PRKCA: variants seen among roughly 807,000 people sequenced by gnomAD.
PRKCA encodes the protein protein kinase C alpha.
PRKCA carries 27 observed loss-of-function variants against 87.0 expected under a neutral mutation model. The observed-to-expected ratio is 0.31, with a 90% CI of 0.23 to 0.43. The LOEUF (loss-of-function observed/expected upper bound fraction) is 0.43. Ranked by LOEUF, PRKCA falls within the 20% of genes least tolerant of loss-of-function variation. The probability of loss-of-function intolerance (pLI) is 1.00; values close to 1 mark genes in which losing one functional copy is unlikely to be tolerated. For missense variants in PRKCA, 518 were observed against 852.3 expected, an observed-to-expected ratio of 0.61 and a Z score of 4.88; for synonymous variants, 329 against 311.1, an observed-to-expected ratio of 1.06 and a Z score of -0.61.
At chr17:66,354,280 A>G (rs370093277) in intron 2 of PRKCA, among the ~76,000 whole-genome samples, 1 of 152,186 alleles carries the variant, frequency 6.6e-6, no homozygotes, top group Non-Finnish European at 1.5e-5. Flanking sequence ...GTTATGAGTC[A>G]TGTACATTTA....
intron 2 of PRKCA, among the ~76,000 whole-genome samples, chr17:66,482,089 A>G (rs1341999169): frequency 7.4e-6 from 1 of 135,806 alleles, no homozygotes. Context: ...CGACAGAGCA[A>G]GACTGTCTCA....
chr17:66,417,967 T>G (rs1912254676), intron 2 of PRKCA, among the ~76,000 whole-genome samples: 1 of 152,198 alleles, frequency 6.6e-6, no homozygotes, highest in Non-Finnish European at 1.5e-5. Context: ...ACAGCAATGT[T>G]GCACACTCTC....
At chr17:66,452,260 T>G (rs946632020) in intron 2 of PRKCA, among the ~76,000 whole-genome samples, 1 of 152,220 alleles carries the variant, frequency 6.6e-6, no homozygotes, top group Non-Finnish European at 1.5e-5. Flanking sequence ...CTTCATCTTT[T>G]TCTTAGCCAA....
intron 3 of PRKCA, among the ~76,000 whole-genome samples, chr17:66,498,652 T>C (rs1270686964): frequency 6.6e-6 from 1 of 152,186 alleles, no homozygotes; most frequent in Non-Finnish European, 1.5e-5. Flanking sequence ...CTAATTCAAA[T>C]AGGATACAGG....
At chr17:66,431,319 G>A (rs1288250841) in intron 2 of PRKCA, among the ~76,000 whole-genome samples, 3 of 152,198 alleles carry the variant, frequency 2.0e-5, no homozygotes, top group African/African-American at 7.2e-5. Context: ...CGATGCAAAT[G>A]AGTTCAGTGC....
In PRKCA at chr17:66,627,740, C is replaced by G. The variant is rs569606013; in HGVS notation, c.289-13615C>G. ...GTGAGTGTGTGAGTGTTTCTTCTGG[C>G]AGGTTCTCCTGTTTTACGGCTTCCT... On this transcript the variant is annotated intron_variant, in intron 3 of 16. Transcript: ENST00000413366. Among the ~76,000 whole-genome samples the G allele has an allele frequency of 5.3e-5, 8 of 152,268 alleles. No individual in the cohort carries two copies. The South Asian group carries it at 1.7e-3, about 32-fold the overall frequency.
At chr17:66,707,697 G>A (rs73329721) in intron 8 of PRKCA, among the ~76,000 whole-genome samples, 1,753 of 152,198 alleles carry the variant, frequency 0.012, 29 homozygotes, top group African/African-American at 0.04. Flanking sequence ...TTGCTCTTGG[G>A]AACATTGTGG....
chr17:66,715,839 T>G (rs1380533361), intron 8 of PRKCA, among the ~76,000 whole-genome samples: 1 of 152,174 alleles, frequency 6.6e-6, no homozygotes, highest in African/African-American at 2.4e-5. Flanking sequence ...GAATCTTAGG[T>G]GGATCTCTGC....
intron 5 of PRKCA, among the ~76,000 whole-genome samples, chr17:66,651,448 T>C (rs919411521): frequency 6.6e-6 from 1 of 152,182 alleles, no homozygotes; most frequent in Admixed American, 6.5e-5. Context: ...AGCAGAGACC[T>C]TCTCTATCAT....
intron 2 of PRKCA, among the ~76,000 whole-genome samples, chr17:66,348,694 T>C (rs1216742456): frequency 6.6e-6 from 1 of 152,204 alleles, no homozygotes; most frequent in Non-Finnish European, 1.5e-5. Context: ...GTCTCTGTGT[T>C]GTGTTAAGAT....
At chr17:66,492,326 T>A (rs1271968768) in intron 2 of PRKCA, among the ~76,000 whole-genome samples, 1 of 152,184 alleles carries the variant, frequency 6.6e-6, no homozygotes, top group Non-Finnish European at 1.5e-5. Context: ...CTTCTTAGGA[T>A]AACATTCGGC....
chr17:66,567,378 C>T (rs1050621116), intron 3 of PRKCA, among the ~76,000 whole-genome samples: 7 of 152,128 alleles, frequency 4.6e-5, no homozygotes, highest in African/African-American at 7.2e-5. Context: ...TTCTGTGTGG[C>T]GACCGAGACT....
chr17:66,693,563 G>A lies in PRKCA; in HGVS notation c.918+4516G>A, dbSNP rs117684747. On this transcript the variant is annotated intron_variant, in intron 8 of 16. Transcript: ENST00000413366. ...CCCCTGAATCTCCAGGCACTATTGA[G>A]GACAACTGAGATTCCTGTTTTTCCC... Among the ~76,000 whole-genome samples, 30 of 152,180 alleles carry A rather than the reference G, an allele frequency of 2.0e-4. No individual in the cohort carries two copies. In the East Asian group the frequency reaches 5.4e-3, roughly 27 times the overall value.
chr17:66,491,176 A>G (rs1167793497), intron 2 of PRKCA, among the ~76,000 whole-genome samples: 2 of 152,228 alleles, frequency 1.3e-5, no homozygotes, highest in East Asian at 3.9e-4. Context: ...GCAGACAAAT[A>G]TCACATAGAG....
chr17:66,644,745 T>C (rs1971406315), intron 4 of PRKCA, among the ~76,000 whole-genome samples: 1 of 152,176 alleles, frequency 6.6e-6, no homozygotes, highest in Admixed American at 6.5e-5. Context: ...AAGGAAAATT[T>C]AATGAATTTT....
At chr17:66,402,400 A>T (rs1167838330) in intron 2 of PRKCA, among the ~76,000 whole-genome samples, 1 of 148,304 alleles carries the variant, frequency 6.7e-6, no homozygotes, top group Non-Finnish European at 1.5e-5. Flanking sequence ...GAAAAGTGAA[A>T]AAGAGGCCAA....
At chr17:66,524,668 C>T (rs1351636101) in intron 3 of PRKCA, among the ~76,000 whole-genome samples, 1 of 152,296 alleles carries the variant, frequency 6.6e-6, no homozygotes, top group East Asian at 1.9e-4. Flanking sequence ...CTTCTGTGCC[C>T]TGGGTATCCA....
At chr17:66,749,939 A>G (rs9907521) in intron 13 of PRKCA, among the ~76,000 whole-genome samples, 12,747 of 152,124 alleles carry the variant, frequency 0.084, 686 homozygotes, top group African/African-American at 0.15. Flanking sequence ...AGTGAAGGTC[A>G]ATGGGACATC....
At chr17:66,775,074 C>T in intron 14 of PRKCA, 1 of 985,410 alleles carries the variant, frequency 1.0e-6, no homozygotes. Context: ...ATGCTCTAGG[C>T]TGAAATTAGG....
Sources: gnomAD v4.1 joint callset for allele counts (sites outside exome capture counted in the v4.1 genomes callset) on GRCh38, gnomAD v4.1.1 for gene constraint, MANE v1.5 for transcripts, NCBI Gene and HGNC (gene_info 2026-07-23, HGNC 2026-07-21) for gene names.